The following CLYBL variants were observed in gnomAD, a reference collection of about 807,000 sequenced individuals.
CLYBL encodes the protein citramalyl-CoA lyase, also known as citramalyl-CoA lyase, mitochondrial.
A neutral mutation model predicts 38.9 loss-of-function variants in CLYBL; 31 were observed. The ratio of observed to expected loss-of-function variants is 0.80; its 90% CI spans 0.60 to 1.08. CLYBL has a LOEUF of 1.08. CLYBL is among the 50% of genes least tolerant of loss of function. The pLI, the probability that CLYBL is intolerant of heterozygous loss-of-function variation, is 0.00. For missense variants in CLYBL, 434 were observed against 411.6 expected (o/e 1.05, Z -0.47); for synonymous variants, 171 against 158.6 (o/e 1.08, Z -0.59).
chr13:99,638,927 T>C (rs1333641074), intron 1 of CLYBL, among the ~76,000 whole-genome samples: 2 of 152,074 alleles, frequency 1.3e-5, no homozygotes, highest in Admixed American at 6.5e-5. Context: ...AGTACCAAAC[T>C]AAGGGGCTGA....
intron 1 of CLYBL, among the ~76,000 whole-genome samples, chr13:99,730,638 A>G (rs749136224): frequency 3.9e-5 from 6 of 152,156 alleles, no homozygotes; most frequent in Non-Finnish European, 8.8e-5. Context: ...GAGCCGCCCA[A>G]GATGATAGAC....
intron 1 of CLYBL, among the ~76,000 whole-genome samples, chr13:99,628,531 G>A (rs1234553386): frequency 6.6e-6 from 1 of 152,188 alleles, no homozygotes; most frequent in African/African-American, 2.4e-5. Flanking sequence ...TTGCACCAGG[G>A]TGGTAATAAA....
At chr13:99,817,177 G>C (rs997136678) in intron 2 of CLYBL, among the ~76,000 whole-genome samples, 1 of 152,168 alleles carries the variant, frequency 6.6e-6, no homozygotes, top group Non-Finnish European at 1.5e-5. Context: ...AAGAAGACTA[G>C]ATTGTAATTG....
intron 7 of CLYBL, among the ~76,000 whole-genome samples, chr13:99,877,053 C>G (rs980026455): frequency 1.3e-5 from 2 of 152,206 alleles, no homozygotes; most frequent in Non-Finnish European, 2.9e-5. Context: ...GCAAACCCCA[C>G]TTCACATCAT....
Position 99,767,296 on chromosome 13 carries a change from A to G in CLYBL, c.63-5528A>G, listed in dbSNP as rs1400730709. ...CTGAGGTCCTTCTGGTGATAATTTC[A>G]GCACTGTATATTTGTTTTTATTTTT... On this transcript the variant is annotated intron_variant, in intron 1 of 8. Coordinates refer to ENST00000339105, the MANE Select transcript of CLYBL (RefSeq NM_206808.5). Among the ~76,000 whole-genome samples, 7 of 152,068 alleles carry G rather than the reference A, an allele frequency of 4.6e-5. No homozygotes were observed. In the East Asian group the frequency reaches 1.3e-3, roughly 29 times the overall value.
intron 7 of CLYBL, chr13:99,885,075 G>A (rs757738113): frequency 7.5e-6 from 4 of 530,024 alleles, no homozygotes; most frequent in South Asian, 4.3e-5. Flanking sequence ...GCAGGTACTG[G>A]GTGCTGGGTG....
chr13:99,646,071 G>T (rs955480012), intron 1 of CLYBL, among the ~76,000 whole-genome samples: 1 of 152,170 alleles, frequency 6.6e-6, no homozygotes, highest in African/African-American at 2.4e-5. Context: ...GTGGGGTTCA[G>T]TGGGCTTTTG....
chr13:99,715,674 A>C (rs1032220888), intron 1 of CLYBL, among the ~76,000 whole-genome samples: 2 of 152,080 alleles, frequency 1.3e-5, no homozygotes, highest in Admixed American at 6.6e-5. Context: ...CGGATTTTCA[A>C]ACAATCCTTT....
At chr13:99,631,377 A>G (rs1297402466) in intron 1 of CLYBL, among the ~76,000 whole-genome samples, 1 of 150,026 alleles carries the variant, frequency 6.7e-6, no homozygotes, top group South Asian at 2.1e-4. Context: ...GTATACACAT[A>G]TATAATTTAT....
chr13:99,845,582 T>A (rs574704591), intron 2 of CLYBL, among the ~76,000 whole-genome samples: 37 of 152,294 alleles, frequency 2.4e-4, no homozygotes, highest in Non-Finnish European at 4.4e-4. Context: ...TTTATTAGCA[T>A]TTGCTCGAGG....
intron 1 of CLYBL, among the ~76,000 whole-genome samples, chr13:99,684,581 C>T (rs992742795): frequency 6.6e-6 from 1 of 152,212 alleles, no homozygotes; most frequent in African/African-American, 2.4e-5. Context: ...ACCACTACCT[C>T]ACCCATAAAG....
rs1188565993 is a variant in CLYBL, at chr13:99,717,348, C to G, written c.63-55476C>G. On this transcript the variant is annotated intron_variant, in intron 1 of 8. Coordinates refer to ENST00000339105, the MANE Select transcript of CLYBL (RefSeq NM_206808.5). ...GGCTGAGGCAGGAGAATTGCTAGAA[C>G]CCAGGAGGCAGAAGTTGCAGTGAGC... is the stretch of plus-strand genomic sequence containing the variant. Among the ~76,000 whole-genome samples the G allele has an allele frequency of 2.7e-5, 4 of 145,474 alleles. No homozygotes were observed. In the Admixed American group the frequency reaches 2.8e-4, roughly 10 times the overall value.
At chr13:99,724,111 A>G (rs1660216417) in intron 1 of CLYBL, among the ~76,000 whole-genome samples, 2 of 152,130 alleles carry the variant, frequency 1.3e-5, no homozygotes, top group African/African-American at 2.4e-5. Flanking sequence ...CCATTCATGC[A>G]TGAGGGAACA....
intron 2 of CLYBL, among the ~76,000 whole-genome samples, chr13:99,853,434 C>T (rs555345936): frequency 6.6e-6 from 1 of 152,338 alleles, no homozygotes; most frequent in African/African-American, 2.4e-5. Flanking sequence ...GGGTGCCTGG[C>T]ATGTAACGCT....
intron 2 of CLYBL, among the ~76,000 whole-genome samples, chr13:99,832,049 A>G (rs2050815023): frequency 6.6e-6 from 1 of 152,240 alleles, no homozygotes; most frequent in African/African-American, 2.4e-5. Flanking sequence ...TATGATGTTA[A>G]TGAATTTACT....
At chr13:99,733,284 AC>A (rs1306318604) in intron 1 of CLYBL, among the ~76,000 whole-genome samples, 6 of 151,986 alleles carry the variant, frequency 3.9e-5, no homozygotes, top group East Asian at 1.9e-4. Flanking sequence ...AAAAAAAAAA[AC>A]AAACTGTAAT....
chr13:99,731,071 A>C (rs2793744), intron 1 of CLYBL, among the ~76,000 whole-genome samples: 8,124 of 120,512 alleles, frequency 0.067, 328 homozygotes, highest in Middle Eastern at 0.15. Context: ...TGACAGAGTG[A>C]GACTCTGTTT....
At chr13:99,722,317 T>G (rs1288491504) in intron 1 of CLYBL, among the ~76,000 whole-genome samples, 2 of 152,200 alleles carry the variant, frequency 1.3e-5, no homozygotes, top group African/African-American at 4.8e-5. Context: ...GGTGGATACA[T>G]CAGCTTGGAG....
chr13:99,716,409 T>TTTTA, intron 1 of CLYBL, among the ~76,000 whole-genome samples: 2 of 150,126 alleles, frequency 1.3e-5, no homozygotes, highest in African/African-American at 4.9e-5. Flanking sequence ...TTTTTTTTTT[T>TTTTA]AATAGAGTCT....
Sources: gnomAD v4.1 joint callset for allele counts (sites outside exome capture counted in the v4.1 genomes callset) on GRCh38, gnomAD v4.1.1 for gene constraint, MANE v1.5 for transcripts, NCBI Gene and HGNC (gene_info 2026-07-23, HGNC 2026-07-21) for gene names.